Variants in FAM120B observed in about 807,000 individuals in gnomAD.
FAM120B encodes the protein constitutive coactivator of peroxisome proliferator-activated receptor gamma.
FAM120B carries 83 observed loss-of-function variants against 96.3 expected under a neutral mutation model. The observed-to-expected ratio is 0.86, with a 90% confidence interval of 0.72 to 1.03. The LOEUF (loss-of-function observed/expected upper bound fraction) is 1.03. Ranked by LOEUF, FAM120B falls within the 50% of genes least tolerant of loss-of-function variation. FAM120B has a pLI of 0.00. For synonymous variants in FAM120B, 407 were observed against 402.7 expected (o/e 1.01, Z -0.13); for missense variants, 1,027 against 1,121.2 (o/e 0.92, Z 1.20).
At chr6:170,319,435 A>G (rs1055216399) in intron 2 of FAM120B, among the ~76,000 whole-genome samples, 2 of 152,136 alleles carry the variant, frequency 1.3e-5, no homozygotes, top group African/African-American at 4.8e-5. Context: ...GGGAGGCCCA[A>G]AGCAGGTGGG....
At chr6:170,402,445 G>T (rs1376398093) in intron 9 of FAM120B, among the ~76,000 whole-genome samples, 1 of 152,236 alleles carries the variant, frequency 6.6e-6, no homozygotes, top group Non-Finnish European at 1.5e-5. Flanking sequence ...AAGTGAGTTA[G>T]TAGCTCTTCC....
At position 170,369,689 on chromosome 6, in the gene FAM120B, G is replaced by GTT. The variant is rs556518944; in HGVS notation, c.2283+11389_2283+11390dup. On this transcript the variant is annotated intron_variant, in intron 6 of 10. Coordinates refer to ENST00000476287, the MANE Select transcript of FAM120B (RefSeq NM_032448.3). ...CCTTTGCCTCAGCAAACTTAGGGTA[G>GTT]TTTTTTTTTTTTTTTTTTTCCTGCT... is the stretch of plus-strand genomic sequence containing the variant. Among the ~76,000 whole-genome samples the GTT allele has an allele frequency of 3.8e-3, 507 of 133,584 alleles. 3 individuals are homozygous for GTT. The highest frequency in any genetic ancestry group is 6.5e-3 in the Non-Finnish European group (401 of 61,750). 87.6% of individuals were successfully genotyped at this position (133,584 alleles called of 152,430 possible). A position where few individuals can be genotyped will look rare whatever the true frequency, so the allele number is the denominator to read the frequency against.
chr6:170,314,353 A>G (rs1484510171), intron 1 of FAM120B, among the ~76,000 whole-genome samples: 2 of 152,202 alleles, frequency 1.3e-5, no homozygotes, highest in African/African-American at 2.4e-5. Flanking sequence ...CCTTGGATTA[A>G]TTCATTTATT....
At chr6:170,343,953 CCT>C (rs1336027908) in intron 4 of FAM120B, among the ~76,000 whole-genome samples, 2 of 152,012 alleles carry the variant, frequency 1.3e-5, no homozygotes, top group African/African-American at 2.4e-5. Flanking sequence ...GCGGTGCTAG[CCT>C]CTCTCTGGTT....
chr6:170,330,049 C>A lies in FAM120B; in HGVS notation c.1916-400C>A, dbSNP rs117630758. Reference sequence around the variant, plus strand: ...GTTCCTCAGTTACACCCACTGTCTTCTTTACCTGGTCTTGCTTTAAAAAAC... The same window carrying A: ...GTTCCTCAGTTACACCCACTGTCTTATTTACCTGGTCTTGCTTTAAAAAAC... On this transcript the variant is annotated intron_variant, in intron 3 of 10. Transcript: ENST00000476287. 8.7e-3 allele frequency among the ~76,000 whole-genome samples: 1,329 copies of A among 152,298 alleles called. 63 individuals carry two copies. The East Asian group carries it at 0.1, about 12-fold the overall frequency.
chr6:170,395,466 T>G, intron 8 of FAM120B, 21 bp from the exon 9 acceptor site: 1 of 1,561,158 alleles, frequency 6.4e-7, no homozygotes, highest in Non-Finnish European at 8.7e-7. Flanking sequence ...TTACTAATCT[T>G]CTGACTATGT....
chr6:170,368,309 A>G (rs911605784), intron 6 of FAM120B, among the ~76,000 whole-genome samples: 4 of 152,228 alleles, frequency 2.6e-5, no homozygotes, highest in Non-Finnish European at 5.9e-5. Flanking sequence ...CTCACCAGAC[A>G]GTGAGACACC....
At position 170,317,831 on chromosome 6, in the gene FAM120B, A is replaced by T; in HGVS notation, c.441A>T (p.Thr147=). 1 of 1,614,248 alleles carries T rather than the reference A, an allele frequency of 6.2e-7. No homozygotes were observed. The highest frequency in any genetic ancestry group is 8.5e-7 in the Non-Finnish European group (1 of 1,180,044). The change falls in exon 2 of 11, where the codon ACA becomes ACT. Residue 147 remains threonine (T), a synonymous_variant. Coordinates refer to ENST00000476287, the MANE Select transcript of FAM120B (RefSeq NM_032448.3). ...LAVFTRFALK[T]LGQETLCSLQ... is the part of the protein sequence containing the mutation. ...TGTTTACACGATTTGCTCTAAAGAC[A>T]CTGGGCCAGGAAACTTTGTGTTCTT...
rs144621819 is a variant in FAM120B, at chr6:170,352,258, C to T, written c.2190+3935C>T. Among the ~76,000 whole-genome samples, 451 of 152,220 alleles carry T rather than the reference C, an allele frequency of 3.0e-3. 1 individual carries two copies. The highest frequency in any genetic ancestry group is 0.01 in the African/African-American group (434 of 41,528). On this transcript the variant is annotated intron_variant, in intron 5 of 10. Coordinates refer to ENST00000476287, the MANE Select transcript of FAM120B (RefSeq NM_032448.3). The stretch of plus-strand genomic sequence containing the variant: ...CTAACTATCCTATGTATGTATGCAC[C>T]CAGTACAGGAGCACCCAGACTCGCA...
upstream of FAM120B, chr6:170,306,584 G>A (rs1310989015): frequency 6.6e-6 from 1 of 152,194 alleles, no homozygotes; most frequent in Non-Finnish European, 1.5e-5. Context: ...AACAGGCCGC[G>A]GCGTCCCACG....
chr6:170,334,223 C>G lies in FAM120B; in HGVS notation c.2017+3673C>G, dbSNP rs184216939. On this transcript the variant is annotated intron_variant, in intron 4 of 10. Transcript: ENST00000476287. ...TGCACACATCTCATTGGTAATTTGT[C>G]TATCTTGAAGAACCTTTTTAAAGTG... Among the ~76,000 whole-genome samples the G allele has an allele frequency of 2.3e-3, 357 of 152,270 alleles. 3 individuals are homozygous for G. The highest frequency in any genetic ancestry group is 4.4e-3 in the Non-Finnish European group (299 of 68,010).
upstream of FAM120B, among the ~76,000 whole-genome samples, chr6:170,306,285 C>T (rs9460105): frequency 0.082 from 12,442 of 152,132 alleles, 647 homozygotes; most frequent in African/African-American, 0.14. Flanking sequence ...GCGGCGGGTC[C>T]CCTGTGCAGG....
intron 5 of FAM120B, among the ~76,000 whole-genome samples, chr6:170,350,277 C>T (rs1787489597): frequency 6.6e-6 from 1 of 152,190 alleles, no homozygotes; most frequent in Non-Finnish European, 1.5e-5. Context: ...GGAATCCCAG[C>T]CGGCCAATGG....
chr6:170,347,511 C>T (rs1431756567), intron 4 of FAM120B, among the ~76,000 whole-genome samples: 1 of 152,148 alleles, frequency 6.6e-6, no homozygotes, highest in African/African-American at 2.4e-5. Flanking sequence ...AGAAGTGAAA[C>T]ACTAAAAATT....
At chr6:170,391,404 G>A (rs554402209) in intron 8 of FAM120B, among the ~76,000 whole-genome samples, 8 of 152,178 alleles carry the variant, frequency 5.3e-5, no homozygotes, top group African/African-American at 9.6e-5. Context: ...GCGTGTTGGC[G>A]GGCGCCTGTA....
chr6:170,294,653 C>G (rs1321579033), upstream of FAM120B, among the ~76,000 whole-genome samples: 1 of 152,168 alleles, frequency 6.6e-6, no homozygotes. The surrounding 1 kb of genome is among the most constrained non-coding windows in gnomAD (Gnocchi z 7.9). Flanking sequence ...CCTATTCCAA[C>G]CCCCCTTTCC....
At chr6:170,340,259 CCTTT>C (rs1320657456) in intron 4 of FAM120B, among the ~76,000 whole-genome samples, 3 of 152,158 alleles carry the variant, frequency 2.0e-5, no homozygotes, top group African/African-American at 7.2e-5. Flanking sequence ...TCTGTGATAT[CCTTT>C]CTAACACTTG....
chr6:170,294,102 AACTAAGC>A (rs1476474847), upstream of FAM120B, among the ~76,000 whole-genome samples: 3 of 152,204 alleles, frequency 2.0e-5, no homozygotes, highest in Admixed American at 2.0e-4. The surrounding 1 kb of genome is among the most constrained non-coding windows in gnomAD (Gnocchi z 7.9). Flanking sequence ...ATACTCCCAC[AACTAAGC>A]ACTCTGAACC....
chr6:170,294,690 G>T (rs543969677), upstream of FAM120B, among the ~76,000 whole-genome samples: 1 of 152,122 alleles, frequency 6.6e-6, no homozygotes, highest in South Asian at 2.1e-4. The surrounding 1 kb of genome is among the most constrained non-coding windows in gnomAD (Gnocchi z 7.9). Context: ...CTCCAGGTTC[G>T]TGTGTGGTGG....
Sources: allele counts gnomAD v4.1 joint callset (sites outside exome capture counted in the v4.1 genomes callset), GRCh38; gene constraint gnomAD v4.1.1; non-coding constraint Gnocchi (gnomAD v3.1); transcripts MANE v1.5; gene names NCBI Gene and HGNC (gene_info 2026-07-23, HGNC 2026-07-21).